CAMTA1: variants seen among roughly 807,000 people sequenced by gnomAD.
The protein encoded by CAMTA1 is calmodulin-binding transcription activator 1.
A neutral mutation model predicts 170.9 loss-of-function variants in CAMTA1; 27 were observed. The observed-to-expected ratio is 0.16, with a 90% CI of 0.12 to 0.22. CAMTA1 has a LOEUF of 0.22. Ranked by LOEUF, CAMTA1 falls within the 10% of genes least tolerant of loss-of-function variation. CAMTA1 has a pLI of 1.00. For synonymous variants in CAMTA1, 833 were observed against 891.5 expected (o/e 0.93, Z 1.17); for missense variants, 1,619 against 2,217.2 (o/e 0.73, Z 5.42).
rs181783368 is a variant in CAMTA1, at chr1:7,447,335, G to A, written c.439-20495G>A. Among the ~76,000 whole-genome samples the A allele has an allele frequency of 7.1e-4, 107 of 151,170 alleles. 1 individual carries two copies. Among genetic ancestry groups the A allele is most frequent in the South Asian group, 2.1e-3 (10 of 4,768 alleles). ...TGGCACGCATGGATGGCATGACACC[G>A]TCTGGAGGGAGAGTAGGGGAGGGAA... is the stretch of plus-strand genomic sequence containing the variant. On this transcript the variant is annotated intron_variant, in intron 5 of 22. Transcript: ENST00000303635.
intron 3 of CAMTA1, among the ~76,000 whole-genome samples, chr1:6,916,657 G>A (rs1680875287): frequency 6.6e-6 from 1 of 152,164 alleles, no homozygotes; most frequent in African/African-American, 2.4e-5. Context: ...CTCTGTGTGA[G>A]ACCCATGGTG....
chr1:7,033,907 A>G (rs1703175648), intron 3 of CAMTA1, among the ~76,000 whole-genome samples: 1 of 142,888 alleles, frequency 7.0e-6, no homozygotes, highest in Non-Finnish European at 1.6e-5. Context: ...TCTTATAAAT[A>G]TTCTTGAGCA....
chr1:7,422,805 C>G (rs2091649369), intron 5 of CAMTA1, among the ~76,000 whole-genome samples: 1 of 152,160 alleles, frequency 6.6e-6, no homozygotes, highest in Non-Finnish European at 1.5e-5. Context: ...AGTCCCCACA[C>G]CCCCCTACAT....
At chr1:7,531,849 G>T (rs1159429739) in intron 6 of CAMTA1, among the ~76,000 whole-genome samples, 1 of 152,256 alleles carries the variant, frequency 6.6e-6, no homozygotes, top group African/African-American at 2.4e-5. Flanking sequence ...CCTGTGAGCT[G>T]GTCAGGTGGT....
intron 4 of CAMTA1, among the ~76,000 whole-genome samples, chr1:7,160,044 G>A (rs1647114217): frequency 1.3e-5 from 2 of 152,142 alleles, no homozygotes; most frequent in Admixed American, 1.3e-4. Context: ...GAGGCCAGGA[G>A]TTTGAGACCA....
intron 5 of CAMTA1, among the ~76,000 whole-genome samples, chr1:7,424,616 G>A (rs577471932): frequency 6.6e-6 from 1 of 152,284 alleles, no homozygotes; most frequent in African/African-American, 2.4e-5. Flanking sequence ...GCAGGCCGCT[G>A]TGGATGGCAC....
intron 6 of CAMTA1, among the ~76,000 whole-genome samples, chr1:7,500,979 A>G (rs1346510789): frequency 2.0e-5 from 3 of 152,110 alleles, no homozygotes; most frequent in Admixed American, 6.5e-5. Context: ...AGCCATCCCC[A>G]GGGGACTGAG....
Position 7,634,339 on chromosome 1 carries a change from C to A in CAMTA1, c.511-6061C>A, listed in dbSNP as rs577171024. On this transcript the variant is annotated intron_variant, in intron 6 of 22. Transcript: ENST00000303635. The surrounding 1 kb of genome is among the most constrained non-coding windows in gnomAD (Gnocchi z 6.2). ...AGGGAGGGAAAATGAGAGGATGACTCCTGGGTTCCAGACCTGGGCAGCTGT... is the reference window on the plus strand; with the variant it reads ...AGGGAGGGAAAATGAGAGGATGACTACTGGGTTCCAGACCTGGGCAGCTGT... Among the ~76,000 whole-genome samples the A allele has an allele frequency of 4.1e-4, 63 of 152,108 alleles. No homozygotes were observed. The highest frequency in any genetic ancestry group is 7.1e-4 in the Non-Finnish European group (48 of 67,982).
chr1:7,552,731 G>A (rs965797094), intron 6 of CAMTA1, among the ~76,000 whole-genome samples: 2 of 152,346 alleles, frequency 1.3e-5, no homozygotes, highest in African/African-American at 2.4e-5. Flanking sequence ...GCCCAGTTCC[G>A]CAATGGTGCA....
chr1:6,859,681 C>T lies in CAMTA1; in HGVS notation c.234+34471C>T, dbSNP rs559586666. On this transcript the variant is annotated intron_variant, in intron 3 of 22. Transcript: ENST00000303635. ...GTGCGTTCCTGTGGTCCCAGCTGCT[C>T]GGGAAGCTAAGGTGGGAGGATCACT... Among the ~76,000 whole-genome samples, 6 of 152,062 alleles carry T rather than the reference C, an allele frequency of 3.9e-5. No homozygotes were observed. In the East Asian group the frequency reaches 5.8e-4, roughly 15 times the overall value.
intron 5 of CAMTA1, among the ~76,000 whole-genome samples, chr1:7,393,054 TAAAAAAA>T (rs34475514): frequency 6.9e-6 from 1 of 144,968 alleles, no homozygotes; most frequent in Non-Finnish European, 1.5e-5. Flanking sequence ...CTATATCTCT[TAAAAAAA>T]AAAAAAAAGT....
chr1:7,629,454 TTGCAATAATG>T (rs2095654322), intron 6 of CAMTA1, among the ~76,000 whole-genome samples: 1 of 152,260 alleles, frequency 6.6e-6, no homozygotes, highest in Non-Finnish European at 1.5e-5. Context: ...CCATGTCGCC[TTGCAATAATG>T]AGTCTCATAC....
At chr1:6,793,813 A>T (rs1176749998) in intron 1 of CAMTA1, among the ~76,000 whole-genome samples, 1 of 152,208 alleles carries the variant, frequency 6.6e-6, no homozygotes, top group Non-Finnish European at 1.5e-5. Flanking sequence ...GTCATTTCTG[A>T]AGGTATATTA....
chr1:7,488,777 T>G (rs2093657949), intron 6 of CAMTA1, among the ~76,000 whole-genome samples: 1 of 151,884 alleles, frequency 6.6e-6, no homozygotes, highest in Admixed American at 6.6e-5. Flanking sequence ...CACATGCTTG[T>G]AATTTGCAAT....
At chr1:7,095,087 T>C (rs1641916411) in intron 4 of CAMTA1, among the ~76,000 whole-genome samples, 1 of 150,096 alleles carries the variant, frequency 6.7e-6, no homozygotes, top group South Asian at 2.2e-4. Flanking sequence ...CCTTTCTTGT[T>C]TTACGTTTCT....
chr1:7,086,144 A>G (rs906996104), intron 3 of CAMTA1, among the ~76,000 whole-genome samples: 3 of 152,108 alleles, frequency 2.0e-5, no homozygotes, highest in Non-Finnish European at 4.4e-5. Context: ...CGTCCAAAGG[A>G]CAAACTAAAC....
intron 3 of CAMTA1, among the ~76,000 whole-genome samples, chr1:6,978,961 G>T (rs940396337): frequency 2.0e-5 from 3 of 152,138 alleles, no homozygotes; most frequent in African/African-American, 7.2e-5. Flanking sequence ...TGGATGCATC[G>T]TGAACAGGCA....
At chr1:6,940,684 A>G (rs1027219190) in intron 3 of CAMTA1, among the ~76,000 whole-genome samples, 18 of 151,994 alleles carry the variant, frequency 1.2e-4, no homozygotes, top group Non-Finnish European at 2.4e-4. Flanking sequence ...GAGGAGTGAC[A>G]CTTAAGGACT....
chr1:6,865,320 CTCTCATTCA>C (rs1666209490), intron 3 of CAMTA1, among the ~76,000 whole-genome samples: 1 of 152,160 alleles, frequency 6.6e-6, no homozygotes, highest in Non-Finnish European at 1.5e-5. Context: ...TTCATTCATT[CTCTCATTCA>C]CCAGACAGTT....
Sources: allele counts gnomAD v4.1 joint callset (sites outside exome capture counted in the v4.1 genomes callset), GRCh38; gene constraint gnomAD v4.1.1; non-coding constraint Gnocchi (gnomAD v3.1); transcripts MANE v1.5; gene names NCBI Gene and HGNC (gene_info 2026-07-23, HGNC 2026-07-21).